The following REL variants were observed in gnomAD, a reference collection of about 807,000 sequenced individuals.
REL encodes proto-oncogene c-Rel.
REL carries 15 observed loss-of-function variants against 45.9 expected under a neutral mutation model. That is an observed-to-expected ratio of 0.33 (90% CI 0.22 to 0.50). REL has a LOEUF of 0.50. Among genes scored for constraint, REL ranks in the 20% least tolerant of loss-of-function variants. REL has a pLI of 0.98. For missense variants in REL, 601 were observed against 715.2 expected (o/e 0.84, Z 1.82); for synonymous variants, 239 against 242.1 (o/e 0.99, Z 0.12).
rs1673470886 is a variant in REL at position 60,900,715 on chromosome 2, G to T, written c.303-277G>T. The T allele has an allele frequency of 1.6e-5, 5 of 309,886 alleles. No homozygotes were observed. The South Asian group carries it at 1.6e-4, about 10-fold the overall frequency. The allele number at this position is 309,886 out of a possible 1,614,324, so 19.2% of individuals were successfully genotyped here. On this transcript the variant is annotated intron_variant, in intron 3 of 9. Coordinates refer to ENST00000394479, the MANE Select transcript of REL (RefSeq NM_001291746.2). ...ATTTTGTATTTTTAGTAGAGACGGG[G>T]TTTCTCCATGTTGATCAGGCTGGTC...
chr2:60,900,932 ATT>A (rs1173893395), intron 3 of REL, 58 bp from the exon 4 acceptor site: 1 of 1,413,646 alleles, frequency 7.1e-7, no homozygotes, highest in Non-Finnish European at 9.8e-7. Flanking sequence ...TATATGTTTG[ATT>A]TTTGCAATAT....
intron 1 of REL, 138 bp from the exon 2 acceptor site, chr2:60,891,545 T>G: frequency 1.4e-6 from 1 of 731,162 alleles, no homozygotes; most frequent in Non-Finnish European, 2.1e-6. Context: ...CAAGATAACA[T>G]TTCGGTCTTG....
intron 1 of REL, among the ~76,000 whole-genome samples, chr2:60,884,762 T>A (rs1673029415): frequency 6.6e-6 from 1 of 152,290 alleles, no homozygotes; most frequent in Non-Finnish European, 1.5e-5. Flanking sequence ...TTCTTCTGTG[T>A]CACACAATAG....
chr2:60,914,738 T>C (rs796985483), intron 4 of REL, among the ~76,000 whole-genome samples: 41 of 152,258 alleles, frequency 2.7e-4, no homozygotes, highest in African/African-American at 9.9e-4. Context: ...TGCATGTAAA[T>C]GGAAGCATAC....
rs2103996759 is a variant in REL, at chr2:60,926,029, A to G, written c.*3494A>G. 8.7e-6 allele frequency: 2 copies of G among 228,872 alleles called. No homozygotes were observed. The highest frequency in any genetic ancestry group is 3.7e-4 in the South Asian group (2 of 5,468). 14.2% of individuals were successfully genotyped at this position (228,872 alleles called of 1,614,324 possible). On this transcript the variant is annotated 3_prime_UTR_variant, in exon 10 of 10. Coordinates refer to ENST00000394479, the MANE Select transcript of REL (RefSeq NM_001291746.2). ...GACTTTAATTTAAAATGAATTTGGT[A>G]ACGTTTCTCCTCTGTCTCTACATAT... is the stretch of plus-strand genomic sequence containing the variant.
chr2:60,898,514 C>T (rs1423636321), intron 3 of REL, among the ~76,000 whole-genome samples: 1 of 152,226 alleles, frequency 6.6e-6, no homozygotes, highest in Non-Finnish European at 1.5e-5. Context: ...GCTCCCATAA[C>T]ATCATGTATA....
chr2:60,884,801 G>C (rs1673030144), intron 1 of REL, among the ~76,000 whole-genome samples: 1 of 152,090 alleles, frequency 6.6e-6, no homozygotes. Flanking sequence ...AATTGTTTTT[G>C]TAAACCTCAC....
At position 60,922,078 on chromosome 2, in the gene REL, A is replaced by T; in HGVS notation, c.1307A>T (p.Asp436Val). The change falls in exon 10 of 10, where the codon GAC becomes GTC. Residue 436 changes from aspartate (D) to valine (V), a missense_variant. Coordinates refer to ENST00000394479, the MANE Select transcript of REL (RefSeq NM_001291746.2). Reference protein sequence around the residue: ...SNACIYNNADDIVGMEASSMP... With the variant: ...SNACIYNNADVIVGMEASSMP... ...GCTTGCATTTACAACAATGCCGATG[A>T]CATAGTCGGAATGGAAGCGTCATCC... 1 of 1,614,196 alleles carries T rather than the reference A, an allele frequency of 6.2e-7. No individual in the cohort carries two copies. The highest frequency in any genetic ancestry group is 8.5e-7 in the Non-Finnish European group (1 of 1,180,018).
rs1448913450 is a variant in REL, at chr2:60,926,886, A to G, written c.*4351A>G. 19 of 225,912 alleles carry G rather than the reference A, an allele frequency of 8.4e-5. No homozygotes were observed. In the East Asian group the frequency reaches 1.1e-3, roughly 14 times the overall value. The allele number at this position is 225,912 out of a possible 1,614,324, so 14.0% of individuals were successfully genotyped here. A position where few individuals can be genotyped will look rare whatever the true frequency, so the allele number is the denominator to read the frequency against. ...TTTTTCCCTAGTAATAATCTTTTCC[A>G]TATGTTCCAGTTAAAATACCATGTT... On this transcript the variant is annotated 3_prime_UTR_variant, in exon 10 of 10. Coordinates refer to ENST00000394479, the MANE Select transcript of REL (RefSeq NM_001291746.2).
chr2:60,907,012 C>G (rs1288250083), intron 4 of REL, among the ~76,000 whole-genome samples: 3 of 151,060 alleles, frequency 2.0e-5, no homozygotes, highest in African/African-American at 4.9e-5. Context: ...CTCCACCTCC[C>G]AGGTTCAAGC....
intron 2 of REL, among the ~76,000 whole-genome samples, chr2:60,893,286 T>C (rs1379752139): frequency 6.6e-6 from 1 of 152,250 alleles, no homozygotes; most frequent in East Asian, 1.9e-4. Context: ...AGGGAATTGC[T>C]GAATTATAGA....
chr2:60,913,562 G>C (rs960015294), intron 4 of REL, among the ~76,000 whole-genome samples: 14 of 151,904 alleles, frequency 9.2e-5, no homozygotes, highest in Non-Finnish European at 1.9e-4. Flanking sequence ...CAAAGCCTTG[G>C]GTATTTATCA....
intron 4 of REL, among the ~76,000 whole-genome samples, chr2:60,912,997 T>TA (rs530851669): frequency 2.0e-5 from 3 of 152,166 alleles, no homozygotes; most frequent in Non-Finnish European, 2.9e-5. Context: ...TTTGGTAGAC[T>TA]ATGTTGGTAA....
intron 4 of REL, among the ~76,000 whole-genome samples, chr2:60,910,795 G>A (rs923637736): frequency 2.6e-5 from 4 of 152,072 alleles, no homozygotes; most frequent in Admixed American, 6.5e-5. Flanking sequence ...AGCCAGGCAT[G>A]GTGGTGCATG....
chr2:60,903,102 A>G (rs888621543), intron 4 of REL, among the ~76,000 whole-genome samples: 6 of 152,210 alleles, frequency 3.9e-5, no homozygotes, highest in South Asian at 2.1e-4. Context: ...TCTAGATGCA[A>G]TATAAAACAA....
In REL at chr2:60,925,840, C is replaced by T. The variant is rs566590040; in HGVS notation, c.*3305C>T. On this transcript the variant is annotated 3_prime_UTR_variant, in exon 10 of 10. Transcript: ENST00000394479. ...CTACTTAGTATAAGTAAGTATAAGC[C>T]GAATTAAGGTTCTGCTACATCTGTG... 13 of 217,292 alleles carry T rather than the reference C, an allele frequency of 6.0e-5. No individual in the cohort carries two copies. The highest frequency in any genetic ancestry group is 1.9e-4 in the South Asian group (1 of 5,358). 13.5% of individuals were successfully genotyped at this position (217,292 alleles called of 1,614,324 possible). A position where few individuals can be genotyped will look rare whatever the true frequency, so the allele number is the denominator to read the frequency against.
At position 60,918,075 on chromosome 2, in the gene REL, A is replaced by G. The variant is rs928726577; in HGVS notation, c.536-116A>G. On this transcript the variant is annotated intron_variant, in intron 5 of 9. Transcript: ENST00000394479. ...ATGATTAATGTATTTAGTGTCATTTATCTATACACTAAAACTTTTATTCTG... is the reference window on the plus strand; with the variant it reads ...ATGATTAATGTATTTAGTGTCATTTGTCTATACACTAAAACTTTTATTCTG... 6 of 633,408 alleles carry G rather than the reference A, an allele frequency of 9.5e-6. No individual in the cohort carries two copies. In the African/African-American group the frequency reaches 1.1e-4, roughly 12 times the overall value. The allele number at this position is 633,408 out of a possible 1,614,324, so 39.2% of individuals were successfully genotyped here. A position where few individuals can be genotyped will look rare whatever the true frequency, so the allele number is the denominator to read the frequency against.
intron 1 of REL, among the ~76,000 whole-genome samples, chr2:60,883,146 T>G (rs750266964): frequency 2.6e-5 from 4 of 152,132 alleles, no homozygotes; most frequent in Non-Finnish European, 4.4e-5. Flanking sequence ...AATGCTGTAC[T>G]AAGAGAATGA....
chr2:60,915,970 A>T (rs1673951219), intron 4 of REL, among the ~76,000 whole-genome samples: 1 of 152,180 alleles, frequency 6.6e-6, no homozygotes, highest in South Asian at 2.1e-4. Flanking sequence ...TTTAGTAGAT[A>T]CTCTTGTGTA....
Sources: allele counts gnomAD v4.1 joint callset (sites outside exome capture counted in the v4.1 genomes callset), GRCh38; gene constraint gnomAD v4.1.1; transcripts MANE v1.5; gene names NCBI Gene and HGNC (gene_info 2026-07-23, HGNC 2026-07-21).